ATPAF1: variants seen among roughly 807,000 people sequenced by gnomAD.
The protein encoded by ATPAF1 is ATP synthase mitochondrial F1 complex assembly factor 1, also known as homolog of yeast ATP11.
ATPAF1 carries 26 observed loss-of-function variants against 43.9 expected under a neutral mutation model. The observed-to-expected ratio is 0.59, with a 90% confidence interval of 0.43 to 0.82. The LOEUF is 0.82. Among genes scored for constraint, ATPAF1 ranks in the 40% least tolerant of loss-of-function variants. ATPAF1 has a pLI of 0.00. For synonymous variants in ATPAF1, 157 were observed against 168.0 expected (o/e 0.93, Z 0.50); for missense variants, 366 against 435.0 (o/e 0.84, Z 1.41).
intron 7 of ATPAF1, 33 bp from the exon 8 acceptor site, chr1:46,643,334 A>C: frequency 6.6e-7 from 1 of 1,521,650 alleles, no homozygotes; most frequent in Non-Finnish European, 9.1e-7. Flanking sequence ...AGGCTCAATA[A>C]GGTACCATCA....
chr1:46,657,390 G>A (rs1227534713), intron 4 of ATPAF1, among the ~76,000 whole-genome samples: 1 of 152,128 alleles, frequency 6.6e-6, no homozygotes, highest in Non-Finnish European at 1.5e-5. Context: ...AAGTGTTCAG[G>A]AAGCTTCCTG....
intron 6 of ATPAF1, among the ~76,000 whole-genome samples, chr1:46,646,851 C>T (rs191597909): frequency 7.4e-4 from 112 of 152,284 alleles, no homozygotes; most frequent in African/African-American, 2.7e-3. Flanking sequence ...TCATACTTCC[C>T]TGTCCCTTAC....
chr1:46,664,648 G>C (rs563712981), intron 2 of ATPAF1: 1 of 152,452 alleles, frequency 6.6e-6, no homozygotes, highest in East Asian at 1.9e-4. Flanking sequence ...GATGGGGGTG[G>C]GTTGGCAGGG....
intron 8 of ATPAF1, among the ~76,000 whole-genome samples, chr1:46,638,394 G>A (rs1007338708): frequency 1.3e-5 from 2 of 152,108 alleles, no homozygotes; most frequent in South Asian, 2.1e-4. Flanking sequence ...CGAGGTGGGC[G>A]GATCATGAGG....
chr1:46,663,735 G>A, intron 2 of ATPAF1: 1 of 576,970 alleles, frequency 1.7e-6, no homozygotes, highest in Non-Finnish European at 2.3e-6. Flanking sequence ...TTAAAATTCA[G>A]GATACCCAAG....
At chr1:46,633,741 G>A (rs966516818), downstream of ATPAF1, 5 of 456,110 alleles carry the variant, frequency 1.1e-5, no homozygotes, top group African/African-American at 8.0e-5. Flanking sequence ...TAAAACGAAT[G>A]GCCACTTCTT....
Position 46,638,494 on chromosome 1 carries a change from C to T in ATPAF1, c.793-2524G>A, listed in dbSNP as rs566392909. Among the ~76,000 whole-genome samples the T allele has an allele frequency of 5.9e-5, 9 of 151,918 alleles. No individual in the cohort carries two copies. In the South Asian group the frequency reaches 8.4e-4, roughly 14 times the overall value. On this transcript the variant is annotated intron_variant, in intron 8 of 8. Transcript: ENST00000574428. ...AAAATTAGCTGGGCGTGGTGGTGGG[C>T]GCTTGTAGTCCCAGCTACTCGGGAG...
chr1:46,665,433 T>C (rs1033480124), intron 1 of ATPAF1, 69 bp from the exon 2 acceptor site: 16 of 1,494,508 alleles, frequency 1.1e-5, no homozygotes, highest in Non-Finnish European at 1.3e-5. Flanking sequence ...AAAGCATCAC[T>C]TTCCACCTCT....
exon 9 of ATPAF1, chr1:46,635,868 T>C (rs186886912): frequency 1.2e-5 from 19 of 1,614,236 alleles, no homozygotes; most frequent in East Asian, 4.5e-5. Context: ...TTGAACTCAT[T>C]TGGTCTGAGG....
downstream of ATPAF1, chr1:46,633,483 A>C (rs1050706143): frequency 3.1e-6 from 1 of 325,192 alleles, no homozygotes; most frequent in African/African-American, 2.2e-5. Context: ...AATGAATAGC[A>C]ACACTAACAT....
chr1:46,654,754 T>C (rs1235787504), intron 4 of ATPAF1, among the ~76,000 whole-genome samples: 1 of 152,002 alleles, frequency 6.6e-6, no homozygotes, highest in Non-Finnish European at 1.5e-5. Context: ...TGTGTTCTCA[T>C]TGTTCAACTC....
At chr1:46,635,754 T>C in exon 9 of ATPAF1, 1 of 1,597,076 alleles carries the variant, frequency 6.3e-7, no homozygotes, top group Non-Finnish European at 8.5e-7. Flanking sequence ...GTCAACTAGG[T>C]GAAGGGCCAA....
At position 46,653,562 on chromosome 1, in the gene ATPAF1, T is replaced by C. The variant is rs1676209102; in HGVS notation, c.540+255A>G. Among the ~76,000 whole-genome samples, 1 of 152,150 alleles carries C rather than the reference T, an allele frequency of 6.6e-6. No individual in the cohort carries two copies. Among genetic ancestry groups the C allele is most frequent in the Non-Finnish European group, 1.5e-5 (1 of 68,028 alleles). ...CTGGAAATTACTCAGCAACATGAACTTATACCACGCTCCCTTGTCAGAGAC... is the reference window on the plus strand; with the variant it reads ...CTGGAAATTACTCAGCAACATGAACCTATACCACGCTCCCTTGTCAGAGAC... On this transcript the variant is annotated intron_variant, in intron 5 of 8. Coordinates refer to ENST00000574428, the Ensembl canonical transcript of ATPAF1. This position sits in a 1 kb window ranked among gnomAD's most constrained non-coding sequence, Gnocchi z 4.8.
exon 2 of ATPAF1, chr1:46,665,294 A>C (rs1676469705): frequency 1.2e-6 from 2 of 1,614,278 alleles, no homozygotes; most frequent in African/African-American, 2.7e-5. Flanking sequence ...CCTTGCCTGG[A>C]ATGCCCCACT....
intron 5 of ATPAF1, 56 bp from the exon 6 acceptor site, chr1:46,652,684 C>T (rs1477839269): frequency 4.2e-6 from 6 of 1,435,690 alleles, no homozygotes; most frequent in Non-Finnish European, 5.8e-6. Context: ...CAAAAGGCCA[C>T]TATCACATGT....
At chr1:46,640,336 G>C (rs796323759) in intron 8 of ATPAF1, among the ~76,000 whole-genome samples, 1 of 152,100 alleles carries the variant, frequency 6.6e-6, no homozygotes, top group Non-Finnish European at 1.5e-5. Context: ...TTGGCCCAGC[G>C]TGGTGGCTCA....
chr1:46,650,500 A>T (rs1337837726), intron 6 of ATPAF1, among the ~76,000 whole-genome samples: 8 of 152,212 alleles, frequency 5.3e-5, no homozygotes, highest in African/African-American at 1.7e-4. Context: ...CTACCACATG[A>T]TCCAGCAGTC....
intron 8 of ATPAF1, among the ~76,000 whole-genome samples, chr1:46,638,621 C>CA (rs55686309): frequency 1.5e-3 from 193 of 125,492 alleles, no homozygotes; most frequent in African/African-American, 5.1e-3. Flanking sequence ...AGACTGTCTC[C>CA]AAAAAAAAAA....
rs201678344 is a variant in ATPAF1, at chr1:46,658,684, T to C, written c.426+3A>G. ...TTTTTCCTATATTTAATTAGAAACC[T>C]ACCTTGTCCTTAGTGAATCCTCTGT... On this transcript the variant is annotated splice_donor_region_variant and intron_variant, in intron 3 of 8. Coordinates refer to ENST00000574428, the Ensembl canonical transcript of ATPAF1. 827 of 1,591,096 alleles carry C rather than the reference T, an allele frequency of 5.2e-4. 2 individuals are homozygous for C. The highest frequency in any genetic ancestry group is 6.6e-4 in the Non-Finnish European group (775 of 1,170,152).
Sources: allele counts gnomAD v4.1 joint callset (sites outside exome capture counted in the v4.1 genomes callset), GRCh38; gene constraint gnomAD v4.1.1; non-coding constraint Gnocchi (gnomAD v3.1); transcripts MANE v1.5; gene names NCBI Gene and HGNC (gene_info 2026-07-23, HGNC 2026-07-21).